The following YWHAE variants were observed in gnomAD, a reference collection of about 807,000 sequenced individuals.
YWHAE encodes tyrosine 3-monooxygenase/tryptophan 5-monooxygenase activation protein epsilon, also known as 14-3-3 protein epsilon.
Under a neutral mutation model 30.1 loss-of-function variants are expected in YWHAE, and 4 were observed. That is an observed-to-expected ratio of 0.13 (90% CI 0.07 to 0.30). YWHAE has a LOEUF of 0.30. Ranked by LOEUF, YWHAE falls within the 10% of genes least tolerant of loss-of-function variation. YWHAE has a pLI of 1.00. For synonymous variants in YWHAE, 118 were observed against 111.8 expected (o/e 1.06, Z -0.35); for missense variants, 121 against 315.9 (o/e 0.38, Z 4.68).
intron 1 of YWHAE, among the ~76,000 whole-genome samples, chr17:1,368,662 T>C (rs2150857109): frequency 6.6e-6 from 1 of 152,310 alleles, no homozygotes; most frequent in South Asian, 2.1e-4. Context: ...TGCCCAATTT[T>C]GTTTTCTAAA....
chr17:1,353,492 G>C (rs2072676013), intron 5 of YWHAE, among the ~76,000 whole-genome samples: 1 of 151,344 alleles, frequency 6.6e-6, no homozygotes, highest in Non-Finnish European at 1.5e-5. Flanking sequence ...GCAGGGCGCA[G>C]TGGCTAACGC....
intron 1 of YWHAE, among the ~76,000 whole-genome samples, chr17:1,365,936 G>C (rs182040326): frequency 3.5e-3 from 535 of 151,842 alleles, no homozygotes; most frequent in Middle Eastern, 0.01. Context: ...TAAAAACAGA[G>C]GCTGGGCACA....
intron 1 of YWHAE, among the ~76,000 whole-genome samples, chr17:1,397,995 C>G (rs970112099): frequency 8.5e-5 from 13 of 152,222 alleles, no homozygotes; most frequent in African/African-American, 3.1e-4. Flanking sequence ...CCACTCACAT[C>G]AAAAATATAA....
At chr17:1,394,436 C>CAAAAAAAAAAAAAAAAAAAAAAAAAAAA (rs544115909) in intron 1 of YWHAE, among the ~76,000 whole-genome samples, 5 of 58,546 alleles carry the variant, frequency 8.5e-5, no homozygotes, top group African/African-American at 3.5e-4. Flanking sequence ...CTCAAATCCA[C>CAAAAAAAAAAAAAAAAAAAAAAAAAAAA]AAAAAAAAAA....
At chr17:1,397,567 G>C (rs1362252056) in intron 1 of YWHAE, among the ~76,000 whole-genome samples, 1 of 152,092 alleles carries the variant, frequency 6.6e-6, no homozygotes, top group Non-Finnish European at 1.5e-5. Context: ...CAGTAACAGA[G>C]AGATAAAAGG....
intron 1 of YWHAE, among the ~76,000 whole-genome samples, chr17:1,388,675 C>T (rs371958944): frequency 3.7e-3 from 560 of 149,998 alleles, no homozygotes; most frequent in African/African-American, 0.012. Flanking sequence ...CCTCCAAAAG[C>T]AATGAGATTA....
At chr17:1,375,620 A>G (rs1346311833) in intron 1 of YWHAE, among the ~76,000 whole-genome samples, 1 of 152,190 alleles carries the variant, frequency 6.6e-6, no homozygotes, top group African/African-American at 2.4e-5. Flanking sequence ...TGGGTGATTA[A>G]AATCGCCACT....
intron 1 of YWHAE, among the ~76,000 whole-genome samples, chr17:1,387,755 T>G (rs967416034): frequency 2.0e-5 from 3 of 151,912 alleles, no homozygotes; most frequent in East Asian, 1.9e-4. Context: ...CCCGAATAGC[T>G]GAGATTACAA....
chr17:1,395,436 G>C (rs960669695), intron 1 of YWHAE, among the ~76,000 whole-genome samples: 2 of 152,216 alleles, frequency 1.3e-5, no homozygotes, highest in African/African-American at 4.8e-5. Context: ...GGCTGAGCCA[G>C]GAGAACCGCT....
chr17:1,375,272 T>C (rs907454685), intron 1 of YWHAE, among the ~76,000 whole-genome samples: 5 of 152,204 alleles, frequency 3.3e-5, no homozygotes, highest in African/African-American at 1.2e-4. Flanking sequence ...CAAAACTATA[T>C]AAGAAAAGCT....
At chr17:1,345,669 G>A (rs2072505031) in intron 5 of YWHAE, among the ~76,000 whole-genome samples, 170 bp from the exon 6 acceptor site, 1 of 152,150 alleles carries the variant, frequency 6.6e-6, no homozygotes, top group Non-Finnish European at 1.5e-5. Context: ...CCTAAGCCAA[G>A]AAGGGATTAT....
At chr17:1,390,926 TC>T (rs1480736932) in intron 1 of YWHAE, among the ~76,000 whole-genome samples, 1 of 152,212 alleles carries the variant, frequency 6.6e-6, no homozygotes, top group African/African-American at 2.4e-5. Context: ...AGTTTGGCAT[TC>T]TAAACATAAC....
At chr17:1,376,840 AATCTGCC>A (rs1346156829) in intron 1 of YWHAE, among the ~76,000 whole-genome samples, 1 of 152,198 alleles carries the variant, frequency 6.6e-6, no homozygotes, top group Non-Finnish European at 1.5e-5. Context: ...AACTGTTCAG[AATCTGCC>A]ATGGGAAAAA....
At chr17:1,399,704 T>A (rs1210479428) in intron 1 of YWHAE, 2 of 472,644 alleles carry the variant, frequency 4.2e-6, no homozygotes, top group South Asian at 2.1e-5. Flanking sequence ...GAAGCTCCCA[T>A]GAGGGTGGCT....
intron 5 of YWHAE, among the ~76,000 whole-genome samples, chr17:1,346,358 C>T (rs2072515866): frequency 6.6e-6 from 1 of 152,152 alleles, no homozygotes; most frequent in Non-Finnish European, 1.5e-5. Context: ...AAAAAAACCA[C>T]TTACAATTAC....
rs138455700 is a variant in YWHAE at position 1,387,321 on chromosome 17, G to T, written c.64+12726C>A. Among the ~76,000 whole-genome samples the T allele has an allele frequency of 8.1e-4, 124 of 152,318 alleles. 1 individual carries two copies. The highest frequency in any genetic ancestry group is 2.8e-3 in the African/African-American group (116 of 41,588). ...TCGGCTGCAGTAGAACCAAACAGGT[G>T]AAGCTCCAGTGAAACCTGAGGTGGA... On this transcript the variant is annotated intron_variant, in intron 1 of 5. Coordinates refer to ENST00000264335, the MANE Select transcript of YWHAE (RefSeq NM_006761.5).
intron 1 of YWHAE, among the ~76,000 whole-genome samples, chr17:1,387,784 G>A (rs1344591607): frequency 6.6e-6 from 1 of 150,712 alleles, no homozygotes; most frequent in African/African-American, 2.5e-5. Flanking sequence ...CACCACGCCC[G>A]TCTAATTTTT....
At chr17:1,357,027 T>G (rs2072758399) in intron 4 of YWHAE, among the ~76,000 whole-genome samples, 1 of 151,096 alleles carries the variant, frequency 6.6e-6, no homozygotes, top group Non-Finnish European at 1.5e-5. Flanking sequence ...CCCAGCACTT[T>G]GGGAGGCCGA....
At chr17:1,394,460 A>AAAAAAAAAAAAAAAAAAAAAAC (rs1555647412) in intron 1 of YWHAE, among the ~76,000 whole-genome samples, 2 of 137,542 alleles carry the variant, frequency 1.5e-5, no homozygotes, top group African/African-American at 5.7e-5. Flanking sequence ...AAAAAAAAAA[A>AAAAAAAAAAAAAAAAAAAAAAC]ACACAAAAAT....
Sources: gnomAD v4.1 joint callset for allele counts (sites outside exome capture counted in the v4.1 genomes callset) on GRCh38, gnomAD v4.1.1 for gene constraint, MANE v1.5 for transcripts, NCBI Gene and HGNC (gene_info 2026-07-23, HGNC 2026-07-21) for gene names.